The following CEMIP variants were observed in gnomAD, a reference collection of about 807,000 sequenced individuals.
The protein encoded by CEMIP is cell migration-inducing and hyaluronan-binding protein.
A neutral mutation model predicts 156.9 loss-of-function variants in CEMIP; 105 were observed. The observed-to-expected ratio is 0.67, with a 90% CI of 0.57 to 0.79. The LOEUF (loss-of-function observed/expected upper bound fraction) is 0.79, where lower values mean the gene tolerates loss of function less well. CEMIP is among the 30% of genes least tolerant of loss of function. The probability of loss-of-function intolerance (pLI) is 0.00; values close to 1 mark genes in which losing one functional copy is unlikely to be tolerated. For missense variants in CEMIP, 1,457 were observed against 1,769.4 expected (o/e 0.82, Z 3.17); for synonymous variants, 676 against 668.4 (o/e 1.01, Z -0.17).
intron 1 of CEMIP, among the ~76,000 whole-genome samples, chr15:80,824,460 T>C (rs1896983794): frequency 6.6e-6 from 1 of 152,210 alleles, no homozygotes; most frequent in Non-Finnish European, 1.5e-5. Flanking sequence ...AGAGTTCTGC[T>C]TGTTGCTCCT....
chr15:80,796,157 T>A (rs965283999), intron 1 of CEMIP, among the ~76,000 whole-genome samples: 1 of 152,210 alleles, frequency 6.6e-6, no homozygotes, highest in African/African-American at 2.4e-5. Context: ...GTTTTTGAGA[T>A]GCGGGGGCGT....
At chr15:80,905,820 G>A (rs1418701205) in intron 12 of CEMIP, among the ~76,000 whole-genome samples, 1 of 152,174 alleles carries the variant, frequency 6.6e-6, no homozygotes, top group African/African-American at 2.4e-5. Context: ...AAGACTGGGG[G>A]TCAGTGCACA....
intron 1 of CEMIP, among the ~76,000 whole-genome samples, chr15:80,852,398 T>TG (rs1897735851): frequency 6.6e-6 from 1 of 150,794 alleles, no homozygotes; most frequent in Non-Finnish European, 1.5e-5. Context: ...GTGTGTGTGT[T>TG]TTTTTTTTAA....
At chr15:80,815,621 C>T (rs189372554) in intron 1 of CEMIP, among the ~76,000 whole-genome samples, 2 of 151,956 alleles carry the variant, frequency 1.3e-5, no homozygotes, top group Admixed American at 1.3e-4. Context: ...CATTCCTTCT[C>T]CTTTGTTTCT....
Position 80,924,628 on chromosome 15 carries a change from T to C in CEMIP, c.2210T>C (p.Met737Thr), listed in dbSNP as rs751459732. The change falls in exon 18 of 30, where the codon ATG becomes ACG. Residue 737 changes from methionine to threonine, a missense_variant. Coordinates refer to ENST00000394685, the MANE Select transcript of CEMIP (RefSeq NM_001293298.2). The part of the protein sequence containing the change: ...NRAHSNYRAG[M>T]IIDNGVKTTE... ...AATATCTCTTCCCTGCAGGCTGGCA[T>C]GATCATAGACAACGGAGTCAAAACC... 3 of 1,614,120 alleles carry C rather than the reference T, an allele frequency of 1.9e-6. No individual in the cohort carries two copies. Among genetic ancestry groups the C allele is most frequent in the Non-Finnish European group, 1.7e-6 (2 of 1,179,988 alleles).
Position 80,808,957 on chromosome 15 carries a change from A to T in CEMIP, c.-176+29343A>T, listed in dbSNP as rs140339043. Among the ~76,000 whole-genome samples, 386 of 152,336 alleles carry T rather than the reference A, an allele frequency of 2.5e-3. 2 individuals carry two copies. Among genetic ancestry groups the T allele is most frequent in the African/African-American group, 8.3e-3 (347 of 41,576 alleles). ...AGAGAAATAGAAAGAAATGCCAGTGATTGGGGACAAGATGATAAATATGAA... is the reference window on the plus strand; with the variant it reads ...AGAGAAATAGAAAGAAATGCCAGTGTTTGGGGACAAGATGATAAATATGAA... On this transcript the variant is annotated intron_variant, in intron 1 of 29. Transcript: ENST00000394685.
At chr15:80,895,745 T>A (rs1228519995) in intron 11 of CEMIP, 124 bp from the exon 12 acceptor site, 1 of 834,756 alleles carries the variant, frequency 1.2e-6, no homozygotes, top group Non-Finnish European at 2.0e-6. Context: ...AAGCCAGTGA[T>A]CTGGGTTTTG....
chr15:80,868,246 A>T (rs1001393185), intron 1 of CEMIP, among the ~76,000 whole-genome samples: 1 of 152,022 alleles, frequency 6.6e-6, no homozygotes, highest in African/African-American at 2.4e-5. Context: ...CCCCAAGCTC[A>T]CCCAGGCTTG....
At position 80,890,826 on chromosome 15, in the gene CEMIP, G is replaced by A. The variant is rs185620547; in HGVS notation, c.1086+1234G>A. Among the ~76,000 whole-genome samples the A allele has an allele frequency of 1.4e-3, 220 of 152,276 alleles. 2 individuals carry two copies. The highest frequency in any genetic ancestry group is 0.013 in the Admixed American group (199 of 15,308). The stretch of plus-strand genomic sequence containing the variant: ...CTTGTAAGAAGGACCACTTATCCAA[G>A]GGAGGAGCCTCTGTTCTGCACTTAG... On this transcript the variant is annotated intron_variant, in intron 10 of 29. Coordinates refer to ENST00000394685, the MANE Select transcript of CEMIP (RefSeq NM_001293298.2).
chr15:80,870,853 G>A (rs1030135204), intron 1 of CEMIP, among the ~76,000 whole-genome samples: 1 of 152,208 alleles, frequency 6.6e-6, no homozygotes, highest in African/African-American at 2.4e-5. Context: ...AGGCTCTGCT[G>A]AAGGAGTTTG....
intron 1 of CEMIP, among the ~76,000 whole-genome samples, chr15:80,793,388 A>C (rs905436838): frequency 6.6e-6 from 1 of 152,208 alleles, no homozygotes; most frequent in Non-Finnish European, 1.5e-5. Context: ...CACGAGGTTA[A>C]GTCTTCTGTG....
chr15:80,811,164 A>G (rs928130187), intron 1 of CEMIP, among the ~76,000 whole-genome samples: 12 of 152,364 alleles, frequency 7.9e-5, no homozygotes, highest in African/African-American at 2.6e-4. Context: ...GAAAATTCCT[A>G]TAATAGAAGA....
In CEMIP at chr15:80,896,112, G is replaced by C. The variant is rs761814989; in HGVS notation, c.1411+52G>C. The stretch of plus-strand genomic sequence containing the variant: ...GACTGGATGAATCTGAAAATTGTTA[G>C]GCTTAAAGTAAACTGAAGTTACAAC... On this transcript the variant is annotated intron_variant, in intron 12 of 29. Coordinates refer to ENST00000394685, the MANE Select transcript of CEMIP (RefSeq NM_001293298.2). 1.5e-5 allele frequency: 23 copies of C among 1,562,840 alleles called. No homozygotes were observed. In the African/African-American group the frequency reaches 1.5e-4, roughly 10 times the overall value.
At chr15:80,878,655 G>T in intron 3 of CEMIP, 66 bp from the exon 4 acceptor site, 2 of 1,609,082 alleles carry the variant, frequency 1.2e-6, no homozygotes, top group Non-Finnish European at 8.5e-7. Flanking sequence ...CCCCCTTTTG[G>T]CCTGTAGCAT....
At chr15:80,915,407 T>G (rs1003304296) in intron 14 of CEMIP, among the ~76,000 whole-genome samples, 3 of 152,222 alleles carry the variant, frequency 2.0e-5, no homozygotes, top group African/African-American at 7.2e-5. Flanking sequence ...AGGTCAGATC[T>G]CTTTCACTGT....
At chr15:80,891,105 C>T (rs1003200793) in intron 10 of CEMIP, among the ~76,000 whole-genome samples, 4 of 152,228 alleles carry the variant, frequency 2.6e-5, no homozygotes, top group African/African-American at 7.2e-5. Context: ...CACTTGACCA[C>T]AGGAAGTCTA....
chr15:80,877,670 T>C (rs1898519310), intron 3 of CEMIP, among the ~76,000 whole-genome samples: 1 of 152,170 alleles, frequency 6.6e-6, no homozygotes, highest in Non-Finnish European at 1.5e-5. Context: ...CAAGCCCACC[T>C]CAGGACACTG....
At chr15:80,935,726 T>TTTTTTG (rs202036630) in intron 23 of CEMIP, among the ~76,000 whole-genome samples, 34 of 152,140 alleles carry the variant, frequency 2.2e-4, no homozygotes, top group Non-Finnish European at 3.5e-4. Flanking sequence ...ACATGGCGTT[T>TTTTTTG]TTTTTGTTTT....
chr15:80,928,757 G>C (rs755877008), intron 19 of CEMIP, 145 bp from the exon 20 acceptor site: 96 of 1,026,864 alleles, frequency 9.3e-5, no homozygotes, highest in Non-Finnish European at 1.3e-4. Context: ...ACAACTCCCT[G>C]AGCACGACTC....
Sources: gnomAD v4.1 joint callset for allele counts (sites outside exome capture counted in the v4.1 genomes callset) on GRCh38, gnomAD v4.1.1 for gene constraint, MANE v1.5 for transcripts, NCBI Gene and HGNC (gene_info 2026-07-23, HGNC 2026-07-21) for gene names.